Variants in BOD1L1 observed in about 807,000 individuals in gnomAD.
BOD1L1 encodes biorientation of chromosomes in cell division protein 1-like 1.
A neutral mutation model predicts 240.7 loss-of-function variants in BOD1L1; 86 were observed. The ratio of observed to expected loss-of-function variants is 0.36; its 90% CI spans 0.30 to 0.43. BOD1L1 has a LOEUF of 0.43. Among genes scored for constraint, BOD1L1 ranks in the 20% least tolerant of loss-of-function variants. The pLI is 1.00. For synonymous variants in BOD1L1, 1,268 were observed against 1,272.3 expected, an observed-to-expected ratio of 1.00 and a Z score of 0.07; for missense variants, 3,554 against 3,643.5, an observed-to-expected ratio of 0.98 and a Z score of 0.63.
At chr4:13,617,864 C>G (rs1324667346) in intron 2 of BOD1L1, among the ~76,000 whole-genome samples, 1 of 152,148 alleles carries the variant, frequency 6.6e-6, no homozygotes. Context: ...ACCCCTATAC[C>G]TTCAGATTGA....
At chr4:13,611,148 A>T in intron 5 of BOD1L1, 48 bp from the exon 6 acceptor site, 1 of 1,389,736 alleles carries the variant, frequency 7.2e-7, no homozygotes, top group Non-Finnish European at 9.9e-7. Flanking sequence ...AATTAGCATA[A>T]AATCAACATT....
At chr4:13,617,242 C>CAAAA (rs35905517) in intron 2 of BOD1L1, among the ~76,000 whole-genome samples, 1 of 116,382 alleles carries the variant, frequency 8.6e-6, no homozygotes, top group Admixed American at 8.7e-5. Context: ...AACTCCGTCT[C>CAAAA]AAAAAAAAAA....
chr4:13,575,760 G>A (rs1271321520), intron 25 of BOD1L1, among the ~76,000 whole-genome samples: 1 of 152,186 alleles, frequency 6.6e-6, no homozygotes, highest in Non-Finnish European at 1.5e-5. Flanking sequence ...TCTCAAATGT[G>A]CCATGGGGAA....
rs1715032878 is a variant in BOD1L1, at chr4:13,600,422, T to C, written c.6478A>G (p.Thr2160Ala). Residue 2160 changes from threonine (T) to alanine (A), a missense_variant, in exon 10 of 26, where the codon ACA becomes GCA. This residue lies in a region of BOD1L1 where 3,393 missense variants were observed against 3,427.1 expected (regional missense o/e 0.99). Coordinates refer to ENST00000040738, the MANE Select transcript of BOD1L1 (RefSeq NM_148894.3). ...AGACTTTCAGCACACTTGATGGTTGTTGCACTGGAGATAGGCAATTCGAAT... is the reference window on the plus strand; with the variant it reads ...AGACTTTCAGCACACTTGATGGTTGCTGCACTGGAGATAGGCAATTCGAAT... ...EEFELPISSA[T>A]TIKCAESLQP... 4 of 1,613,814 alleles carry C rather than the reference T, an allele frequency of 2.5e-6. No individual in the cohort carries two copies. The highest frequency in any genetic ancestry group is 1.7e-5 in the Admixed American group (1 of 60,004).
chr4:13,580,602 A>G (rs1235902590), intron 21 of BOD1L1, among the ~76,000 whole-genome samples: 1 of 152,194 alleles, frequency 6.6e-6, no homozygotes, highest in Admixed American at 6.5e-5. Context: ...TTCAAACATA[A>G]AATATCACTA....
At chr4:13,612,979 T>G (rs2108980343) in intron 5 of BOD1L1, among the ~76,000 whole-genome samples, 1 of 152,304 alleles carries the variant, frequency 6.6e-6, no homozygotes, top group East Asian at 1.9e-4. Flanking sequence ...GGGGAACAAT[T>G]GGAAGTAACT....
chr4:13,621,382 A>G (rs960441301), intron 1 of BOD1L1, among the ~76,000 whole-genome samples: 6 of 152,208 alleles, frequency 3.9e-5, no homozygotes, highest in African/African-American at 1.4e-4. Context: ...AGAAATTCTC[A>G]TATCTGCACC....
intron 16 of BOD1L1, among the ~76,000 whole-genome samples, chr4:13,587,162 A>C (rs1242693321): frequency 6.6e-6 from 1 of 152,196 alleles, no homozygotes; most frequent in Non-Finnish European, 1.5e-5. Flanking sequence ...AAAATAATTA[A>C]AAAACAATTA....
Position 13,613,619 on chromosome 4 carries a change from A to C in BOD1L1, c.1217T>G (p.Ile406Ser). 6.2e-7 allele frequency: 1 copy of C among 1,605,634 alleles called. No homozygotes were observed. Among genetic ancestry groups the C allele is most frequent in the Non-Finnish European group, 8.5e-7 (1 of 1,174,270 alleles). The change falls in exon 5 of 26, where the codon ATC becomes AGC. Residue 406 changes from isoleucine (I) to serine (S), a missense_variant. Physicochemically the swap from Ile to Ser is moderately radical, Grantham distance 142. Coordinates refer to ENST00000040738, the MANE Select transcript of BOD1L1 (RefSeq NM_148894.3). This position sits in a 1 kb window ranked among gnomAD's most constrained non-coding sequence, Gnocchi z 4.0. ...IDSDVDGLTD[I>S]TVSSVHTSDL... ...ACTGGTATGAACAGAGCTAACTGTG[A>C]TGTCTGTAAGTCCATCCACATCAGA...
Position 13,600,249 on chromosome 4 carries a change from A to G in BOD1L1, c.6651T>C (p.Ala2217=), listed in dbSNP as rs372716388. 1 of 1,614,020 alleles carries G rather than the reference A, an allele frequency of 6.2e-7. No individual in the cohort carries two copies. Residue 2217 remains alanine, a synonymous_variant, in exon 10 of 26, where the codon GCT becomes GCC. Transcript: ENST00000040738. The part of the protein sequence containing the change: ...STSKEEKDEC[A]LISTSIAEEC... Reference sequence around the variant, plus strand: ...CTTCTGCTATGCTAGTGGAAATGAGAGCACATTCATCCTTCTCCTCCTTGC... The same window carrying G: ...CTTCTGCTATGCTAGTGGAAATGAGGGCACATTCATCCTTCTCCTCCTTGC...
In BOD1L1 at chr4:13,617,877, A is replaced by G. The variant is rs148017795; in HGVS notation, c.368+2066T>C. ...CCACCCCTATACCTTCAGATTGAAC[A>G]TAACTAAATAATCTCTTTAAGGAAG... On this transcript the variant is annotated intron_variant, in intron 2 of 25. Transcript: ENST00000040738. 8.5e-5 allele frequency among the ~76,000 whole-genome samples: 13 copies of G among 152,346 alleles called. No individual in the cohort carries two copies. The East Asian group carries it at 2.5e-3, about 29-fold the overall frequency.
At position 13,627,507 on chromosome 4, in the gene BOD1L1, C is replaced by T. The variant is rs1440673469; in HGVS notation, c.81G>A (p.Pro27=). Residue 27 remains proline (P), a synonymous_variant, in exon 1 of 26, where the codon CCG becomes CCA. Transcript: ENST00000040738. The part of the protein sequence containing the change: ...PPPQPQPQPP[P]PPPGPGAGPG... ...GGCCAGCCCCGGGGCCCGGCGGCGG[C>T]GGCGGTGGCTGCGGCTGCGGCTGCG... 11 of 1,019,576 alleles carry T rather than the reference C, an allele frequency of 1.1e-5. No individual in the cohort carries two copies. Among genetic ancestry groups the T allele is most frequent in the Non-Finnish European group, 4.7e-6 (4 of 852,832 alleles). 63.2% of individuals were successfully genotyped at this position (1,019,576 alleles called of 1,614,324 possible).
In BOD1L1 at chr4:13,626,624, A is replaced by G. The variant is rs2109008304; in HGVS notation, c.243+721T>C. 1.3e-5 allele frequency among the ~76,000 whole-genome samples: 2 copies of G among 152,242 alleles called. 1 individual carries two copies. The highest frequency in any genetic ancestry group is 3.9e-4 in the East Asian group (2 of 5,166). On this transcript the variant is annotated intron_variant, in intron 1 of 25. Coordinates refer to ENST00000040738, the MANE Select transcript of BOD1L1 (RefSeq NM_148894.3). ...TCCCCTTTCCAGCCTCTCTTTCTGG[A>G]CAGGGAACCTTGTTGCTGTCCTTTC...
At chr4:13,627,259 G>C in intron 1 of BOD1L1, 86 bp downstream of exon 1, 1 of 662,532 alleles carries the variant, frequency 1.5e-6, no homozygotes, top group Non-Finnish European at 2.0e-6. Context: ...CACAGCTGCA[G>C]CTCCAAGAGG....
chr4:13,609,467 G>C, intron 6 of BOD1L1, 61 bp from the exon 7 acceptor site: 1 of 1,140,786 alleles, frequency 8.8e-7, no homozygotes, highest in Non-Finnish European at 1.2e-6. Flanking sequence ...CTGAAAAATT[G>C]TATTTTTTTT....
Position 13,601,778 on chromosome 4 carries a change from C to A in BOD1L1, c.5122G>T (p.Asp1708Tyr). Residue 1708 changes from aspartate (D) to tyrosine (Y), a missense_variant, in exon 10 of 26, where the codon GAT becomes TAT. Asp to Tyr is a radical substitution (Grantham distance 160, BLOSUM62 -3). Coordinates refer to ENST00000040738, the MANE Select transcript of BOD1L1 (RefSeq NM_148894.3). ...RAGSISSEEV[D>Y]GSQGNMMRMG... ...CTCATCATATTTCCCTGGGAGCCATCCACCTCTTCACTGCTTATAGATCCT... is the reference window on the plus strand; with the variant it reads ...CTCATCATATTTCCCTGGGAGCCATACACCTCTTCACTGCTTATAGATCCT... 1 of 1,613,998 alleles carries A rather than the reference C, an allele frequency of 6.2e-7. No homozygotes were observed. Among genetic ancestry groups the A allele is most frequent in the Non-Finnish European group, 8.5e-7 (1 of 1,179,892 alleles).
intron 5 of BOD1L1, among the ~76,000 whole-genome samples, chr4:13,611,328 T>G (rs547017742): frequency 3.9e-5 from 6 of 152,226 alleles, no homozygotes; most frequent in Admixed American, 1.3e-4. Flanking sequence ...TAGTTACTTA[T>G]GCTATTAAAA....
chr4:13,597,924 T>A (rs1251738487), intron 10 of BOD1L1, among the ~76,000 whole-genome samples: 1 of 152,220 alleles, frequency 6.6e-6, no homozygotes, highest in Non-Finnish European at 1.5e-5. Context: ...TTCCTGAGAC[T>A]GGGTTAGATG....
chr4:13,577,381 T>A, intron 24 of BOD1L1, 22 bp downstream of exon 24: 2 of 1,605,044 alleles, frequency 1.2e-6, no homozygotes, highest in Non-Finnish European at 1.7e-6. Flanking sequence ...TAAGACTTAT[T>A]AAGAATTTGC....
Sources: gnomAD v4.1 joint callset for allele counts (sites outside exome capture counted in the v4.1 genomes callset) on GRCh38, gnomAD v4.1.1 for gene constraint, gnomAD v4.1.1 regional missense constraint, Gnocchi (gnomAD v3.1) non-coding constraint, MANE v1.5 for transcripts, NCBI Gene and HGNC (gene_info 2026-07-23, HGNC 2026-07-21) for gene names.